AFF3: variants seen among roughly 807,000 people sequenced by gnomAD.
The protein encoded by AFF3 is AF4/FMR2 family member 3.
A neutral mutation model predicts 129.7 loss-of-function variants in AFF3; 32 were observed. The ratio of observed to expected loss-of-function variants is 0.25; its 90% confidence interval spans 0.19 to 0.33. AFF3 has a LOEUF of 0.33. Among genes scored for constraint, AFF3 ranks in the 10% least tolerant of loss-of-function variants. The probability of loss-of-function intolerance (pLI) is 1.00; values close to 1 mark genes in which losing one functional copy is unlikely to be tolerated. For missense variants in AFF3, 1,373 were observed against 1,592.0 expected (o/e 0.86, Z 2.34); for synonymous variants, 644 against 635.4 (o/e 1.01, Z -0.20).
chr2:100,007,056 G>C, intron 6 of AFF3, 39 bp from the exon 7 acceptor site: 1 of 1,590,792 alleles, frequency 6.3e-7, no homozygotes, highest in Non-Finnish European at 8.6e-7. Context: ...TAAGGATGAG[G>C]GGGGTCGACA....
chr2:99,921,689 G>A (rs958159237), intron 7 of AFF3, among the ~76,000 whole-genome samples: 6 of 151,986 alleles, frequency 3.9e-5, no homozygotes, highest in Non-Finnish European at 8.8e-5. Context: ...AACACAGAAA[G>A]GAATAAATGT....
chr2:99,764,573 C>A (rs769793747), intron 8 of AFF3, among the ~76,000 whole-genome samples: 15 of 152,100 alleles, frequency 9.9e-5, no homozygotes, highest in Non-Finnish European at 1.3e-4. Context: ...ATTCTTCGAT[C>A]CACCTGGTTT....
At chr2:99,573,730 CCTCA>C (rs778337715) in intron 18 of AFF3, among the ~76,000 whole-genome samples, 2 of 152,226 alleles carry the variant, frequency 1.3e-5, no homozygotes, top group African/African-American at 2.4e-5. Context: ...GTCAGTCTTT[CCTCA>C]CTGTCGGGAG....
chr2:99,987,469 T>C (rs989324622), intron 7 of AFF3, among the ~76,000 whole-genome samples: 5 of 152,212 alleles, frequency 3.3e-5, no homozygotes, highest in Non-Finnish European at 5.9e-5. Context: ...GTCTGAGATC[T>C]AGCTGGGGGC....
chr2:99,922,566 G>A (rs1033683362), intron 7 of AFF3, among the ~76,000 whole-genome samples: 4 of 152,146 alleles, frequency 2.6e-5, no homozygotes, highest in Admixed American at 6.5e-5. Flanking sequence ...CTGCTTCTGG[G>A]GGCCAGGACA....
At chr2:99,737,637 CTT>C (rs201427905) in intron 10 of AFF3, among the ~76,000 whole-genome samples, 3 of 142,046 alleles carry the variant, frequency 2.1e-5, no homozygotes, top group Non-Finnish European at 3.1e-5. Context: ...GTAGTGTGGA[CTT>C]TTTTTTTTTT....
Position 99,727,117 on chromosome 2 carries a change from C to T in AFF3, c.1051G>A (p.Ala351Thr), listed in dbSNP as rs1056502135. The change falls in exon 11 of 25, where the codon GCA (alanine) becomes ACA (threonine). Residue 351 changes from alanine to threonine, a missense_variant. Ala to Thr is a moderately conservative substitution (Grantham distance 58). Around this residue, in one of 9 missense-constraint regions of AFF3, gnomAD observed 413 missense variants for 424.4 expected, o/e 0.97. Transcript: ENST00000672756. ...CCATTGTCTGGACTCTCTGGCTCTGCATCACCTTTCTCTTAAAAAGGAAGC... is the reference window on the plus strand; with the variant it reads ...CCATTGTCTGGACTCTCTGGCTCTGTATCACCTTTCTCTTAAAAAGGAAGC... Reference protein sequence around the residue: ...SGHNNPKKGDAEPESPDNGTS... With the variant: ...SGHNNPKKGDTEPESPDNGTS... The T allele has an allele frequency of 1.2e-6, 2 of 1,610,224 alleles. No individual in the cohort carries two copies. Among genetic ancestry groups the T allele is most frequent in the East Asian group, 2.2e-5 (1 of 44,832 alleles).
intron 1 of AFF3, among the ~76,000 whole-genome samples, chr2:100,131,478 G>A (rs1692427657): frequency 6.6e-6 from 1 of 151,640 alleles, no homozygotes. Flanking sequence ...ATTTTTTTTA[G>A]AGGCAGAGTC....
Position 99,549,317 on chromosome 2 carries a change from G to A in AFF3, c.*2157C>T. The A allele has an allele frequency of 1.0e-5, 2 of 193,830 alleles. No individual in the cohort carries two copies. Among genetic ancestry groups the A allele is most frequent in the Non-Finnish European group, 2.2e-5 (2 of 92,912 alleles). 12.0% of individuals were successfully genotyped at this position (193,830 alleles called of 1,614,324 possible). ...ATTAGTGAAAGGGCTGGGTGTGGTGGCTCACGCCTGTAATCACAACACTTT... is the reference window on the plus strand; with the variant it reads ...ATTAGTGAAAGGGCTGGGTGTGGTGACTCACGCCTGTAATCACAACACTTT... On this transcript the variant is annotated 3_prime_UTR_variant, in exon 25 of 25. Coordinates refer to ENST00000672756, the MANE Select transcript of AFF3 (RefSeq NM_001386135.1).
intron 7 of AFF3, among the ~76,000 whole-genome samples, chr2:99,897,156 A>G (rs1280113070): frequency 6.6e-6 from 1 of 152,222 alleles, no homozygotes; most frequent in Non-Finnish European, 1.5e-5. Flanking sequence ...AAATAAATGA[A>G]AGGTGAATTC....
At chr2:99,795,998 G>A (rs1685536805) in intron 8 of AFF3, among the ~76,000 whole-genome samples, 2 of 152,238 alleles carry the variant, frequency 1.3e-5, no homozygotes, top group South Asian at 4.1e-4. Flanking sequence ...GGGCAATTTA[G>A]AAGATTGTTT....
At chr2:99,775,003 T>C (rs984289788) in intron 8 of AFF3, among the ~76,000 whole-genome samples, 1 of 152,174 alleles carries the variant, frequency 6.6e-6, no homozygotes, top group African/African-American at 2.4e-5. Flanking sequence ...CTCAACATCA[T>C]TGATCATTAG....
intron 8 of AFF3, among the ~76,000 whole-genome samples, chr2:99,792,371 C>T (rs1459484913): frequency 6.6e-6 from 1 of 152,058 alleles, no homozygotes; most frequent in Non-Finnish European, 1.5e-5. Context: ...ACTTGGAAGG[C>T]TGAGGTGGGA....
At chr2:100,034,066 C>T (rs1684722147) in intron 4 of AFF3, among the ~76,000 whole-genome samples, 1 of 152,114 alleles carries the variant, frequency 6.6e-6, no homozygotes, top group Non-Finnish European at 1.5e-5. Flanking sequence ...ATAGCAAATG[C>T]TTGTTCTAAG....
chr2:99,795,499 C>T (rs532390228), intron 8 of AFF3, among the ~76,000 whole-genome samples: 8 of 152,222 alleles, frequency 5.3e-5, no homozygotes, highest in Non-Finnish European at 1.2e-4. Context: ...TTTACCACTA[C>T]ACAATATACT....
chr2:99,876,510 G>A (rs1334007391), intron 7 of AFF3, among the ~76,000 whole-genome samples: 1 of 151,956 alleles, frequency 6.6e-6, no homozygotes, highest in East Asian at 1.9e-4. Context: ...TGCTGTCACT[G>A]TATCCTAAGG....
At chr2:100,057,588 TG>T in intron 4 of AFF3, among the ~76,000 whole-genome samples, 1 of 152,290 alleles carries the variant, frequency 6.6e-6, no homozygotes, top group East Asian at 1.9e-4. Flanking sequence ...CACAGCAACA[TG>T]GTATCTGTGA....
chr2:99,588,435 C>T (rs749089740), intron 15 of AFF3, among the ~76,000 whole-genome samples: 5 of 152,204 alleles, frequency 3.3e-5, no homozygotes, highest in Non-Finnish European at 5.9e-5. Flanking sequence ...ACCTTGGCCT[C>T]CCAAAGTGCT....
chr2:99,618,224 C>CTTTTT lies in AFF3; in HGVS notation c.1185-16608_1185-16604dup, dbSNP rs70940180. On this transcript the variant is annotated intron_variant, in intron 13 of 24. Transcript: ENST00000672756. ...TAGATGAGAAAATGCTCATAACATT[C>CTTTTT]TTTTTTTTTTTTTTTTTTTTTTTTT... is the stretch of plus-strand genomic sequence containing the variant. Among the ~76,000 whole-genome samples, 155 of 80,076 alleles carry CTTTTT rather than the reference C, an allele frequency of 1.9e-3. 22 individuals are homozygous for CTTTTT. The highest frequency in any genetic ancestry group is 3.4e-3 in the East Asian group (8 of 2,358). 52.5% of individuals were successfully genotyped at this position (80,076 alleles called of 152,430 possible).
Sources: gnomAD v4.1 joint callset for allele counts (sites outside exome capture counted in the v4.1 genomes callset) on GRCh38, gnomAD v4.1.1 for gene constraint, gnomAD v4.1.1 regional missense constraint, MANE v1.5 for transcripts, NCBI Gene and HGNC (gene_info 2026-07-23, HGNC 2026-07-21) for gene names.